Variants in PLXNA4 observed in about 807,000 individuals in gnomAD.
PLXNA4 encodes the protein plexin A4, also known as plexin-A4.
PLXNA4 carries 44 observed loss-of-function variants against 191.8 expected under a neutral mutation model. The ratio of observed to expected loss-of-function variants is 0.23; its 90% CI spans 0.18 to 0.29. The LOEUF is 0.29. Ranked by LOEUF, PLXNA4 falls within the 10% of genes least tolerant of loss-of-function variation. PLXNA4 has a pLI of 1.00. For synonymous variants in PLXNA4, 1,082 were observed against 1,009.5 expected (o/e 1.07, Z -1.36); for missense variants, 1,800 against 2,488.8 (o/e 0.72, Z 5.89).
intron 14 of PLXNA4, among the ~76,000 whole-genome samples, chr7:132,192,629 A>G (rs985131894): frequency 6.6e-6 from 1 of 152,196 alleles, no homozygotes; most frequent in African/African-American, 2.4e-5. Context: ...TTCAGGGCAC[A>G]TGATGGCCAG....
intron 24 of PLXNA4, among the ~76,000 whole-genome samples, chr7:132,160,279 C>CTTTCGTGGCCCTGAAT (rs1795910788): frequency 6.6e-6 from 1 of 152,180 alleles, no homozygotes; most frequent in Non-Finnish European, 1.5e-5. Flanking sequence ...ATTGCAGGTT[C>CTTTCGTGGCCCTGAAT]AGGACACCTG....
chr7:132,218,259 G>A (rs1220427300), intron 9 of PLXNA4, among the ~76,000 whole-genome samples: 2 of 152,032 alleles, frequency 1.3e-5, no homozygotes, highest in African/African-American at 2.4e-5. Flanking sequence ...AGGGGATGTT[G>A]GGAGAAGCTT....
chr7:132,478,073 TTCCTAGG>T (rs1010517569), intron 3 of PLXNA4, among the ~76,000 whole-genome samples: 2 of 152,192 alleles, frequency 1.3e-5, no homozygotes, highest in African/African-American at 4.8e-5. Context: ...GCCATGGCCC[TTCCTAGG>T]TCACAGAGCC....
At chr7:132,280,025 G>C (rs1180522819) in intron 4 of PLXNA4, among the ~76,000 whole-genome samples, 1 of 152,138 alleles carries the variant, frequency 6.6e-6, no homozygotes. Flanking sequence ...ACAAATAGTA[G>C]TTATCCTTAC....
At chr7:132,624,291 A>T (rs1803328147) in intron 2 of PLXNA4, among the ~76,000 whole-genome samples, 1 of 152,182 alleles carries the variant, frequency 6.6e-6, no homozygotes, top group Non-Finnish European at 1.5e-5. Flanking sequence ...ATGGTAGCAT[A>T]CTATTCATTA....
At chr7:132,207,644 A>T (rs972546876) in intron 10 of PLXNA4, among the ~76,000 whole-genome samples, 4 of 152,170 alleles carry the variant, frequency 2.6e-5, no homozygotes, top group African/African-American at 9.7e-5. Flanking sequence ...TCACTCCCAC[A>T]CTGAATTTTC....
chr7:132,510,976 G>A (rs1459858126), intron 1 of PLXNA4, among the ~76,000 whole-genome samples: 1 of 152,206 alleles, frequency 6.6e-6, no homozygotes, highest in Non-Finnish European at 1.5e-5. Context: ...GAGGAAAAGA[G>A]CAAAGGCCCC....
At chr7:132,616,728 C>T (rs1432783658) in intron 2 of PLXNA4, among the ~76,000 whole-genome samples, 2 of 152,122 alleles carry the variant, frequency 1.3e-5, no homozygotes, top group African/African-American at 2.4e-5. Flanking sequence ...GTTCTTCCTG[C>T]GCCCAGTGGA....
At chr7:132,141,858 T>C (rs1795280746) in intron 29 of PLXNA4, among the ~76,000 whole-genome samples, 1 of 152,094 alleles carries the variant, frequency 6.6e-6, no homozygotes, top group Non-Finnish European at 1.5e-5. Flanking sequence ...GCCTCCTGAG[T>C]AGCTGGGACT....
intron 3 of PLXNA4, among the ~76,000 whole-genome samples, chr7:132,460,567 T>C (rs1796470785): frequency 6.6e-6 from 1 of 152,030 alleles, no homozygotes; most frequent in Admixed American, 6.5e-5. Context: ...GGAAACCAAA[T>C]CAAGTCAGGA....
chr7:132,530,311 C>T (rs1424981380), intron 1 of PLXNA4, among the ~76,000 whole-genome samples: 1 of 151,844 alleles, frequency 6.6e-6, no homozygotes, highest in African/African-American at 2.4e-5. Flanking sequence ...AAAAATAGAC[C>T]CAAAAGGTAA....
At chr7:132,423,834 T>C (rs1794938817) in intron 3 of PLXNA4, among the ~76,000 whole-genome samples, 1 of 152,136 alleles carries the variant, frequency 6.6e-6, no homozygotes, top group African/African-American at 2.4e-5. Flanking sequence ...ATTGCGTTAC[T>C]CACATAGCAA....
chr7:132,408,038 T>TAA (rs34030992), intron 3 of PLXNA4, among the ~76,000 whole-genome samples: 2 of 146,594 alleles, frequency 1.4e-5, no homozygotes, highest in South Asian at 2.2e-4. Context: ...TACAGGGATT[T>TAA]AAAAAAAAAA....
chr7:132,595,669 A>C (rs780158624), intron 2 of PLXNA4, among the ~76,000 whole-genome samples: 4 of 152,200 alleles, frequency 2.6e-5, no homozygotes, highest in Non-Finnish European at 4.4e-5. Context: ...CAGTCAGTAC[A>C]TTGGTGACCC....
rs1158217034 is a variant in PLXNA4 at position 132,194,065 on chromosome 7, G to A, written c.2853C>T (p.Phe951=). The A allele has an allele frequency of 1.2e-6, 2 of 1,613,242 alleles. No individual in the cohort carries two copies. The highest frequency in any genetic ancestry group is 1.3e-5 in the African/African-American group (1 of 74,898). The change falls in exon 14 of 32, where the codon TTC becomes TTT. Residue 951 remains phenylalanine (F), a synonymous_variant. Transcript: ENST00000321063. ...ATCACTGCTGGCCAAGACTCACCAT[G>A]AAGTAATAGAGCTGTGAGGACCGGG... ...FMARSSQLYY[F]MTLTLSDLKP... is the part of the protein sequence containing the mutation.
At chr7:132,258,635 T>C (rs1408862785) in intron 4 of PLXNA4, among the ~76,000 whole-genome samples, 1 of 152,160 alleles carries the variant, frequency 6.6e-6, no homozygotes, top group Non-Finnish European at 1.5e-5. Context: ...GTGACACTCA[T>C]GTGCACAATT....
At chr7:132,560,642 G>GCC (rs1012326751) in intron 1 of PLXNA4, among the ~76,000 whole-genome samples, 21 of 152,068 alleles carry the variant, frequency 1.4e-4, no homozygotes, top group African/African-American at 5.1e-4. Flanking sequence ...ATCCACATAT[G>GCC]CCCCAATTCA....
chr7:132,245,799 C>T (rs1262702926), intron 4 of PLXNA4, among the ~76,000 whole-genome samples: 2 of 152,134 alleles, frequency 1.3e-5, no homozygotes, highest in African/African-American at 4.8e-5. Flanking sequence ...GGATGAACCT[C>T]GAGGACATGA....
chr7:132,587,709 C>T (rs1195849152), intron 2 of PLXNA4, among the ~76,000 whole-genome samples: 1 of 151,986 alleles, frequency 6.6e-6, no homozygotes, highest in Non-Finnish European at 1.5e-5. Context: ...AAGCCAGAAA[C>T]ATAAGGCCAA....
Sources: allele counts gnomAD v4.1 joint callset (sites outside exome capture counted in the v4.1 genomes callset), GRCh38; gene constraint gnomAD v4.1.1; transcripts MANE v1.5; gene names NCBI Gene and HGNC (gene_info 2026-07-23, HGNC 2026-07-21).